Variants in GFOD2 observed in about 807,000 individuals in gnomAD.
The protein encoded by GFOD2 is Gfo/Idh/MocA-like oxidoreductase domain containing 2.
Under a neutral mutation model 24.6 loss-of-function variants are expected in GFOD2, and 9 were observed. The observed-to-expected ratio is 0.37, with a 90% CI of 0.22 to 0.64. The LOEUF is 0.64. Ranked by LOEUF, GFOD2 falls within the 30% of genes least tolerant of loss-of-function variation. The probability of loss-of-function intolerance (pLI) is 0.65; values close to 1 mark genes in which losing one functional copy is unlikely to be tolerated. For synonymous variants in GFOD2, 211 were observed against 224.8 expected, an observed-to-expected ratio of 0.94 and a Z score of 0.55; for missense variants, 476 against 532.5, an observed-to-expected ratio of 0.89 and a Z score of 1.04.
rs1465691101 is a variant in GFOD2, at chr16:67,690,396, C to CT, written c.-87-4595dup. ...ATGGATGTGAGGTGACCATTATTCA[C>CT]TATTTTTTTTTTTTTTTTGAGACAG... is the stretch of plus-strand genomic sequence containing the variant. On this transcript the variant is annotated intron_variant, in intron 1 of 2. Transcript: ENST00000268797. Among the ~76,000 whole-genome samples, 410 of 148,680 alleles carry CT rather than the reference C, an allele frequency of 2.8e-3. 1 individual carries two copies. Among genetic ancestry groups the CT allele is most frequent in the Middle Eastern group, 0.014 (4 of 280 alleles).
intron 1 of GFOD2, among the ~76,000 whole-genome samples, chr16:67,712,190 A>G (rs1440949835): frequency 2.6e-5 from 4 of 151,876 alleles, no homozygotes; most frequent in African/African-American, 9.7e-5. Flanking sequence ...ACTATAGAAA[A>G]CCATATATAC....
chr16:67,681,438 T>A lies in GFOD2; in HGVS notation c.259+4019A>T, dbSNP rs189758093. ...TGAAAAATAGTCTGTTTTTGTTTTT[T>A]TAGATGGGGACTCGCTTTGTTACCC... On this transcript the variant is annotated intron_variant, in intron 2 of 2. Transcript: ENST00000268797. 6.3e-5 allele frequency: 62 copies of A among 980,052 alleles called. 1 individual carries two copies. The East Asian group carries it at 3.1e-3, about 49-fold the overall frequency. The allele number at this position is 980,052 out of a possible 1,614,324, so 60.7% of individuals were successfully genotyped here.
chr16:67,687,666 AG>A (rs1475552928), intron 1 of GFOD2, among the ~76,000 whole-genome samples: 18 of 150,766 alleles, frequency 1.2e-4, no homozygotes, highest in African/African-American at 3.9e-4. Context: ...AAAGAAAAAA[AG>A]AAAAAAAAAA....
chr16:67,692,585 A>C (rs1377527028), intron 1 of GFOD2, among the ~76,000 whole-genome samples: 1 of 150,620 alleles, frequency 6.6e-6, no homozygotes, highest in African/African-American at 2.4e-5. Context: ...GTCTCAAACA[A>C]AACAAAACAA....
At chr16:67,691,518 A>ACC (rs1567657225) in intron 1 of GFOD2, among the ~76,000 whole-genome samples, 2 of 121,792 alleles carry the variant, frequency 1.6e-5, no homozygotes, top group African/African-American at 6.6e-5. Context: ...ACCCCCCCCC[A>ACC]AAAAAAAAAA....
chr16:67,688,914 T>C (rs2053289470), intron 1 of GFOD2, among the ~76,000 whole-genome samples: 2 of 151,618 alleles, frequency 1.3e-5, no homozygotes, highest in African/African-American at 2.4e-5. Flanking sequence ...TTTTTTTTTG[T>C]ATTTTTAGTA....
At chr16:67,710,605 A>G (rs867780677) in intron 1 of GFOD2, among the ~76,000 whole-genome samples, 26 of 146,504 alleles carry the variant, frequency 1.8e-4, no homozygotes, top group African/African-American at 3.0e-4. Context: ...CTCGTGATCC[A>G]CCCACCTCAG....
intron 2 of GFOD2, chr16:67,683,511 C>G: frequency 8.1e-7 from 1 of 1,231,732 alleles, no homozygotes; most frequent in Non-Finnish European, 1.0e-6. Flanking sequence ...CTGGGAGCCA[C>G]CATCTGACCT....
In GFOD2 at chr16:67,688,465, G is replaced by T. The variant is rs78898509; in HGVS notation, c.-87-2663C>A. Among the ~76,000 whole-genome samples the T allele has an allele frequency of 9.7e-3, 1,471 of 152,130 alleles. 21 individuals carry two copies. The highest frequency in any genetic ancestry group is 0.033 in the African/African-American group (1,373 of 41,500). ...CTGATCACAAGGGTTATACAATAAA[G>T]AACAAAACCAAACAAAAGTCCTTTG... On this transcript the variant is annotated intron_variant, in intron 1 of 2. Transcript: ENST00000268797.
At chr16:67,703,797 G>A (rs917430016) in intron 1 of GFOD2, among the ~76,000 whole-genome samples, 7 of 152,164 alleles carry the variant, frequency 4.6e-5, no homozygotes, top group African/African-American at 1.4e-4. Flanking sequence ...GGGGCTAGAG[G>A]CAGTGTACAG....
intron 1 of GFOD2, among the ~76,000 whole-genome samples, chr16:67,687,797 C>A (rs997503949): frequency 1.5e-5 from 2 of 137,062 alleles, no homozygotes; most frequent in Non-Finnish European, 3.1e-5. Context: ...TAGTGAGACA[C>A]CCATCTTTAC....
At chr16:67,688,734 C>CA (rs2053286805) in intron 1 of GFOD2, among the ~76,000 whole-genome samples, 1 of 131,108 alleles carries the variant, frequency 7.6e-6, no homozygotes, top group East Asian at 2.1e-4. Context: ...ATAAAATTTA[C>CA]TTTTTTTTTT....
intron 1 of GFOD2, among the ~76,000 whole-genome samples, chr16:67,703,754 C>G (rs1292412917): frequency 2.6e-5 from 4 of 152,172 alleles, no homozygotes; most frequent in Admixed American, 6.5e-5. Context: ...CAGAAACTTG[C>G]CTCTGTTGCA....
At chr16:67,692,055 G>C (rs2053318024) in intron 1 of GFOD2, among the ~76,000 whole-genome samples, 2 of 151,952 alleles carry the variant, frequency 1.3e-5, no homozygotes, top group Non-Finnish European at 1.5e-5. Flanking sequence ...AATTCTCATA[G>C]GGATGCACTG....
Position 67,675,999 on chromosome 16 carries a change from C to G in GFOD2, c.314G>C (p.Arg105Pro). Reference protein sequence around the residue: ...EKAATSVDAFRMVTASRYYPQ... With the variant: ...EKAATSVDAFPMVTASRYYPQ... ...GTAGTAGCGCGAGGCTGTCACCATCCGGAAGGCATCCACCGATGTTGCTGC... is the reference window on the plus strand; with the variant it reads ...GTAGTAGCGCGAGGCTGTCACCATCGGGAAGGCATCCACCGATGTTGCTGC... Residue 105 changes from arginine (R) to proline (P), a missense_variant, in exon 3 of 3, where the codon CGG becomes CCG. Transcript: ENST00000268797. 1 of 1,614,098 alleles carries G rather than the reference C, an allele frequency of 6.2e-7. No individual in the cohort carries two copies. Among genetic ancestry groups the G allele is most frequent in the Non-Finnish European group, 8.5e-7 (1 of 1,179,978 alleles).
chr16:67,685,826 GTTA>G (rs2053262703), intron 1 of GFOD2, 24 bp from the exon 2 acceptor site: 1 of 1,289,102 alleles, frequency 7.8e-7, no homozygotes, highest in Non-Finnish European at 1.1e-6. Context: ...CATTACACTG[GTTA>G]TTACTGGAGA....
chr16:67,702,120 T>C (rs1454997198), intron 1 of GFOD2, among the ~76,000 whole-genome samples: 3 of 152,196 alleles, frequency 2.0e-5, no homozygotes, highest in Non-Finnish European at 4.4e-5. Flanking sequence ...CCTTTATTTA[T>C]GGTTGCTTTT....
chr16:67,686,638 G>A (rs367851363), intron 1 of GFOD2, among the ~76,000 whole-genome samples: 28 of 151,194 alleles, frequency 1.9e-4, no homozygotes, highest in Admixed American at 2.0e-4. Context: ...AAAACCAGCC[G>A]GGTCAACATG....
chr16:67,685,666 C>T lies in GFOD2; in HGVS notation c.50G>A (p.Arg17Gln), dbSNP rs750162356. The T allele has an allele frequency of 3.7e-6, 6 of 1,613,848 alleles. No individual in the cohort carries two copies. Among genetic ancestry groups the T allele is most frequent in the African/African-American group, 1.3e-5 (1 of 74,922 alleles). ...VGVFGTGSSA[R>Q]VLVPLLRAEG... ...TGCCCTCAGCAGTGGGACCAGAACT[C>T]GGGCGGAGCTGCCAGTCCCAAACAC... The change falls in exon 2 of 3, where the codon CGA becomes CAA. Residue 17 changes from arginine to glutamine, a missense_variant. Physicochemically the swap from Arg to Gln is conservative, Grantham distance 43. Coordinates refer to ENST00000268797, the MANE Select transcript of GFOD2 (RefSeq NM_030819.4).
Sources: allele counts gnomAD v4.1 joint callset (sites outside exome capture counted in the v4.1 genomes callset), GRCh38; gene constraint gnomAD v4.1.1; transcripts MANE v1.5; gene names NCBI Gene and HGNC (gene_info 2026-07-23, HGNC 2026-07-21).